CMC2: variants seen among roughly 807,000 people sequenced by gnomAD.
CMC2 encodes the protein COX assembly mitochondrial protein 2 homolog.
CMC2 carries 5 observed loss-of-function variants against 7.5 expected under a neutral mutation model. The ratio of observed to expected loss-of-function variants is 0.66; its 90% confidence interval spans 0.35 to 1.40. The LOEUF is 1.40. CMC2 is among the 40% of genes most tolerant of loss of function. CMC2 has a pLI of 0.04. For synonymous variants in CMC2, 37 were observed against 31.4 expected, an observed-to-expected ratio of 1.18 and a Z score of -0.60; for missense variants, 115 against 92.3, an observed-to-expected ratio of 1.25 and a Z score of -1.01.
At chr16:80,982,027 T>A in intron 2 of CMC2, 150 bp from the exon 3 acceptor site, 1 of 548,976 alleles carries the variant, frequency 1.8e-6, no homozygotes. Context: ...AAAACACAGT[T>A]GGCCCTTGAA....
At chr16:80,978,465 A>C in intron 3 of CMC2, 10 of 973,454 alleles carry the variant, frequency 1.0e-5, no homozygotes, top group Non-Finnish European at 1.4e-5. Context: ...CACAAAACTC[A>C]ATCAAACAAT....
intron 2 of CMC2, chr16:80,982,978 G>T: frequency 5.3e-6 from 1 of 188,264 alleles, no homozygotes; most frequent in Non-Finnish European, 1.1e-5. Context: ...GAAATGTACT[G>T]TAGATTGAGG....
In CMC2 at chr16:80,969,067, T is replaced by G. The variant is rs1299517489; in HGVS notation, c.*7026A>C. On this transcript the variant is annotated 3_prime_UTR_variant, in exon 4 of 4. Transcript: ENST00000219400. Reference sequence around the variant, plus strand: ...TGAGCAGAAAAAATATGTTTCCCATTGGTAAGTTAAGTGTGTGTGTCAGAA... The same window carrying G: ...TGAGCAGAAAAAATATGTTTCCCATGGGTAAGTTAAGTGTGTGTGTCAGAA... 1 of 152,080 alleles carries G rather than the reference T, an allele frequency of 6.6e-6. No individual in the cohort carries two copies. The highest frequency in any genetic ancestry group is 6.5e-5 in the Admixed American group (1 of 15,268). 9.4% of individuals were successfully genotyped at this position (152,080 alleles called of 1,614,324 possible).
chr16:80,975,910 A>C lies in CMC2; in HGVS notation c.*183T>G, dbSNP rs555105382. On this transcript the variant is annotated 3_prime_UTR_variant, in exon 4 of 4. Coordinates refer to ENST00000219400, the MANE Select transcript of CMC2 (RefSeq NM_020188.5). ...GGTTTGCTGGTAAAGGGGAGACAGT[A>C]CTAAACGCCCTGCCCAACAAATACT... 1.4e-4 allele frequency: 82 copies of C among 568,326 alleles called. 1 individual carries two copies. In the South Asian group the frequency reaches 1.7e-3, roughly 12 times the overall value. 35.2% of individuals were successfully genotyped at this position (568,326 alleles called of 1,614,324 possible). A position where few individuals can be genotyped will look rare whatever the true frequency, so the allele number is the denominator to read the frequency against.
At chr16:80,988,390 A>T in intron 2 of CMC2, 1 of 585,474 alleles carries the variant, frequency 1.7e-6, no homozygotes, top group Non-Finnish European at 3.0e-6. Flanking sequence ...GTCTTCAGAA[A>T]GATCAGTTAG....
rs1250755513 is a variant in CMC2 at position 80,968,703 on chromosome 16, G to C, written c.*7390C>G. On this transcript the variant is annotated 3_prime_UTR_variant, in exon 4 of 4. Coordinates refer to ENST00000219400, the MANE Select transcript of CMC2 (RefSeq NM_020188.5). Reference sequence around the variant, plus strand: ...AAAAGCTATCTACAAATACTAGATAGCATATATCAAATATAGTTTTTAAAG... The same window carrying C: ...AAAAGCTATCTACAAATACTAGATACCATATATCAAATATAGTTTTTAAAG... The C allele has an allele frequency of 2.0e-5, 3 of 152,170 alleles. No individual in the cohort carries two copies. Among genetic ancestry groups the C allele is most frequent in the African/African-American group, 7.2e-5 (3 of 41,442 alleles). The allele number at this position is 152,170 out of a possible 1,614,324, so 9.4% of individuals were successfully genotyped here.
chr16:80,991,542 G>T (rs556230653), intron 2 of CMC2, among the ~76,000 whole-genome samples: 22 of 152,082 alleles, frequency 1.4e-4, no homozygotes, highest in African/African-American at 5.1e-4. Flanking sequence ...TCGGGAGGGT[G>T]AGATGAGAGG....
At chr16:81,004,754 A>G (rs1969124051) in intron 1 of CMC2, among the ~76,000 whole-genome samples, 1 of 152,190 alleles carries the variant, frequency 6.6e-6, no homozygotes, top group Non-Finnish European at 1.5e-5. Context: ...CACTCCTTCA[A>G]TCTTTGTCTA....
At chr16:80,980,778 C>T (rs1381139182) in intron 3 of CMC2, 1 of 696,416 alleles carries the variant, frequency 1.4e-6, no homozygotes, top group African/African-American at 1.8e-5. Context: ...ACCTGTCGTC[C>T]TAGCTACTCA....
At chr16:80,994,632 A>T (rs181597717) in intron 2 of CMC2, among the ~76,000 whole-genome samples, 267 of 152,330 alleles carry the variant, frequency 1.8e-3, no homozygotes, top group African/African-American at 6.1e-3. Flanking sequence ...TACAATTTAA[A>T]ACCAAAAGGA....
At chr16:80,992,518 C>G (rs376354870) in intron 2 of CMC2, among the ~76,000 whole-genome samples, 17 of 152,262 alleles carry the variant, frequency 1.1e-4, no homozygotes, top group Admixed American at 5.2e-4. Flanking sequence ...AATGCGCTGT[C>G]ACACTGTTTA....
chr16:81,005,908 A>G (rs1969280155), intron 1 of CMC2, among the ~76,000 whole-genome samples: 1 of 152,204 alleles, frequency 6.6e-6, no homozygotes, highest in Non-Finnish European at 1.5e-5. Flanking sequence ...TGCCCAATCG[A>G]TGTTCGCGGA....
rs1011685728 is a variant in CMC2 at position 80,990,169 on chromosome 16, A to G, written c.81+7145T>C. Among the ~76,000 whole-genome samples the G allele has an allele frequency of 2.7e-5, 4 of 150,680 alleles. No homozygotes were observed. In the East Asian group the frequency reaches 7.7e-4, roughly 29 times the overall value. ...CAGCATGAATTATACAAAACATATA[A>G]TTTTTTTCTGTTGTTTTTTGAGACA... is the stretch of plus-strand genomic sequence containing the variant. On this transcript the variant is annotated intron_variant, in intron 2 of 3. Transcript: ENST00000219400.
rs1555512300 is a variant in CMC2 at position 80,971,564 on chromosome 16, T to TATATATA, written c.*4528_*4529insTATATAT. The stretch of plus-strand genomic sequence containing the variant: ...CTATGGATACTGACATACATACATT[T>TATATATA]TATATATATATATATATATATGTAT... On this transcript the variant is annotated 3_prime_UTR_variant, in exon 4 of 4. Coordinates refer to ENST00000219400, the MANE Select transcript of CMC2 (RefSeq NM_020188.5). 1,166 of 121,228 alleles carry TATATATA rather than the reference T, an allele frequency of 9.6e-3. 55 individuals are homozygous for TATATATA. Among genetic ancestry groups the TATATATA allele is most frequent in the African/African-American group, 0.026 (663 of 25,750 alleles). 7.5% of individuals were successfully genotyped at this position (121,228 alleles called of 1,614,324 possible). A position where few individuals can be genotyped will look rare whatever the true frequency, so the allele number is the denominator to read the frequency against.
chr16:80,987,497 G>A (rs939253970), intron 2 of CMC2, among the ~76,000 whole-genome samples: 5 of 152,108 alleles, frequency 3.3e-5, no homozygotes, highest in Non-Finnish European at 7.4e-5. Flanking sequence ...TTTCCAAGTA[G>A]CTTTGACGAA....
intron 2 of CMC2, among the ~76,000 whole-genome samples, chr16:80,994,490 C>A (rs1383624978): frequency 6.7e-6 from 1 of 150,332 alleles, no homozygotes; most frequent in Non-Finnish European, 1.5e-5. Flanking sequence ...GGATTTGTAT[C>A]CCAAATGATA....
Position 80,969,562 on chromosome 16 carries a change from G to GA in CMC2, c.*6530dup, listed in dbSNP as rs34893428. 0.18 allele frequency: 26,824 copies of GA among 151,926 alleles called. 2,813 individuals carry two copies. The highest frequency in any genetic ancestry group is 0.3 in the African/African-American group (12,494 of 41,346). The allele number at this position is 151,926 out of a possible 1,614,324, so 9.4% of individuals were successfully genotyped here. A position where few individuals can be genotyped will look rare whatever the true frequency, so the allele number is the denominator to read the frequency against. ...AAGTGAGGAGGAACTGCAGGGAGCA[G>GA]AAAAAAAATTGAACAGGATAGGGAC... On this transcript the variant is annotated 3_prime_UTR_variant, in exon 4 of 4. Coordinates refer to ENST00000219400, the MANE Select transcript of CMC2 (RefSeq NM_020188.5).
chr16:80,978,826 A>C (rs1966877722), intron 3 of CMC2, among the ~76,000 whole-genome samples: 1 of 152,226 alleles, frequency 6.6e-6, no homozygotes, highest in Non-Finnish European at 1.5e-5. Context: ...TCACGCCTGT[A>C]ACCCCAGCAC....
intron 3 of CMC2, among the ~76,000 whole-genome samples, chr16:80,978,892 T>C (rs925149039): frequency 6.6e-6 from 1 of 151,904 alleles, no homozygotes; most frequent in Non-Finnish European, 1.5e-5. Context: ...CCATCCTAGC[T>C]AACACGGTGA....
Sources: allele counts gnomAD v4.1 joint callset (sites outside exome capture counted in the v4.1 genomes callset), GRCh38; gene constraint gnomAD v4.1.1; transcripts MANE v1.5; gene names NCBI Gene and HGNC (gene_info 2026-07-23, HGNC 2026-07-21).